The following EYA1 variants were observed in gnomAD, a reference collection of about 807,000 sequenced individuals.
EYA1 encodes the protein EYA transcriptional coactivator and phosphatase 1.
EYA1 carries 16 observed loss-of-function variants against 82.0 expected under a neutral mutation model. The observed-to-expected ratio is 0.20, with a 90% CI of 0.13 to 0.30. EYA1 has a LOEUF of 0.30. Among genes scored for constraint, EYA1 ranks in the 10% least tolerant of loss-of-function variants. The pLI is 1.00. For missense variants in EYA1, 633 were observed against 730.7 expected, an observed-to-expected ratio of 0.87 and a Z score of 1.54; for synonymous variants, 261 against 264.4, an observed-to-expected ratio of 0.99 and a Z score of 0.12.
chr8:71,364,939 CAT>C (rs34890892), upstream of EYA1, among the ~76,000 whole-genome samples: 2,638 of 87,698 alleles, frequency 0.03, 29 homozygotes, highest in African/African-American at 0.037. Flanking sequence ...AAGCAAATGT[CAT>C]ATATATATAT....
chr8:71,299,777 C>T, intron 7 of EYA1, 57 bp from the exon 8 acceptor site: 1 of 918,182 alleles, frequency 1.1e-6, no homozygotes, highest in Non-Finnish European at 1.8e-6. Flanking sequence ...AATGTGGGTA[C>T]AGGAAAATAG....
chr8:71,482,939 G>A (rs1423900288), intron 2 of EYA1, among the ~76,000 whole-genome samples: 2 of 152,148 alleles, frequency 1.3e-5, no homozygotes, highest in Non-Finnish European at 2.9e-5. Flanking sequence ...CTTCTTCCTG[G>A]TGGTGGTTAC....
intron 2 of EYA1, among the ~76,000 whole-genome samples, chr8:71,534,843 T>C (rs923047547): frequency 6.6e-6 from 1 of 151,482 alleles, no homozygotes; most frequent in African/African-American, 2.4e-5. Flanking sequence ...AACCTGCACG[T>C]TCTGCACATG....
chr8:71,288,811 C>T (rs1818684014), intron 9 of EYA1, among the ~76,000 whole-genome samples: 1 of 152,104 alleles, frequency 6.6e-6, no homozygotes, highest in African/African-American at 2.4e-5. Context: ...GAATTATACC[C>T]TTAAATATCA....
At chr8:71,502,725 G>C (rs1238016891) in intron 2 of EYA1, among the ~76,000 whole-genome samples, 1 of 152,202 alleles carries the variant, frequency 6.6e-6, no homozygotes, top group Non-Finnish European at 1.5e-5. Flanking sequence ...TGAAGAAACT[G>C]ATGTAACTCA....
intron 2 of EYA1, among the ~76,000 whole-genome samples, chr8:71,467,253 G>A (rs1385903355): frequency 6.6e-6 from 1 of 151,978 alleles, no homozygotes; most frequent in African/African-American, 2.4e-5. Context: ...AAAAATTAAT[G>A]TGCTTTTCAG....
intron 2 of EYA1, among the ~76,000 whole-genome samples, chr8:71,444,211 C>T (rs1037449512): frequency 6.6e-6 from 1 of 152,210 alleles, no homozygotes; most frequent in Non-Finnish European, 1.5e-5. Flanking sequence ...AGCCGGAAAA[C>T]AAGACCCAAT....
chr8:71,305,707 A>T (rs1021527238), intron 7 of EYA1, among the ~76,000 whole-genome samples: 9 of 149,440 alleles, frequency 6.0e-5, no homozygotes, highest in Non-Finnish European at 8.9e-5. Flanking sequence ...GGTTATTATT[A>T]TTTTTTTTTT....
At chr8:71,337,843 C>A (rs971793790) in intron 3 of EYA1, among the ~76,000 whole-genome samples, 8 of 152,184 alleles carry the variant, frequency 5.3e-5, no homozygotes, top group African/African-American at 1.9e-4. Context: ...TTAAAAGCAC[C>A]AGCTTTGGAA....
chr8:71,515,785 A>G (rs529184276), intron 2 of EYA1, among the ~76,000 whole-genome samples: 1 of 152,290 alleles, frequency 6.6e-6, no homozygotes, highest in South Asian at 2.1e-4. Flanking sequence ...CTATAACTGT[A>G]TATTCTAAAT....
intron 4 of EYA1, among the ~76,000 whole-genome samples, chr8:71,331,379 T>C (rs1823843372): frequency 6.6e-6 from 1 of 151,446 alleles, no homozygotes; most frequent in African/African-American, 2.4e-5. Flanking sequence ...AAAACAGTGA[T>C]AGTGATGCAA....
At chr8:71,254,243 C>CAAAAAAAAAAAAAAAAAAAA (rs56047377) in intron 11 of EYA1, among the ~76,000 whole-genome samples, 1 of 51,456 alleles carries the variant, frequency 1.9e-5, no homozygotes, top group Non-Finnish European at 3.3e-5. Flanking sequence ...AAGTCTTGGC[C>CAAAAAAAAAAAAAAAAAAAA]AAAAAAAAAA....
intron 12 of EYA1, among the ~76,000 whole-genome samples, chr8:71,220,555 ATT>A (rs1248725730): frequency 1.3e-5 from 2 of 152,336 alleles, no homozygotes; most frequent in Middle Eastern, 3.4e-3. Flanking sequence ...GTGTCAAATT[ATT>A]GAGAGGCTGC....
intron 9 of EYA1, among the ~76,000 whole-genome samples, chr8:71,272,661 G>A (rs1316415026): frequency 6.6e-6 from 1 of 152,194 alleles, no homozygotes; most frequent in Admixed American, 6.5e-5. Flanking sequence ...TGATTGTGGA[G>A]CGAGGGAAGA....
At chr8:71,384,099 A>C (rs1324932060) in intron 2 of EYA1, among the ~76,000 whole-genome samples, 2 of 151,980 alleles carry the variant, frequency 1.3e-5, no homozygotes, top group Non-Finnish European at 2.9e-5. Flanking sequence ...TCTTCTCTAG[A>C]TCTTTAAGAA....
At chr8:71,533,966 T>C (rs1814497853) in intron 2 of EYA1, among the ~76,000 whole-genome samples, 2 of 152,374 alleles carry the variant, frequency 1.3e-5, no homozygotes, top group South Asian at 4.1e-4. Context: ...ATATATCTTT[T>C]ATTATGATGG....
chr8:71,382,095 A>G (rs1828735896), intron 2 of EYA1, among the ~76,000 whole-genome samples: 1 of 152,206 alleles, frequency 6.6e-6, no homozygotes, highest in Non-Finnish European at 1.5e-5. Context: ...TAAGGCTACC[A>G]TCTGATCTTA....
At chr8:71,513,835 G>A (rs756825420) in intron 2 of EYA1, among the ~76,000 whole-genome samples, 15 of 152,008 alleles carry the variant, frequency 9.9e-5, no homozygotes, top group Admixed American at 6.6e-5. Context: ...AAATACATGA[G>A]AACATGCGAT....
In EYA1 at chr8:71,321,880, C is replaced by G; in HGVS notation, c.273-1G>C. 1 of 1,614,192 alleles carries G rather than the reference C, an allele frequency of 6.2e-7. No homozygotes were observed. Among genetic ancestry groups the G allele is most frequent in the Admixed American group, 1.7e-5 (1 of 60,026 alleles). On this transcript the variant is annotated splice_acceptor_variant, in intron 5 of 17. Transcript: ENST00000340726. LOFTEE classifies it high-confidence loss of function. ...AGGGAGAATATGTGGGTATGGTCTG[C>G]TATTTGTCAGAAATGACAGAAAATA... is the stretch of plus-strand genomic sequence containing the variant.
Sources: gnomAD v4.1 joint callset for allele counts (sites outside exome capture counted in the v4.1 genomes callset) on GRCh38, gnomAD v4.1.1 for gene constraint, MANE v1.5 for transcripts, NCBI Gene and HGNC (gene_info 2026-07-23, HGNC 2026-07-21) for gene names.